Variants in SCFD2 observed in about 807,000 individuals in gnomAD.
SCFD2 encodes sec1 family domain-containing protein 2.
A neutral mutation model predicts 58.9 loss-of-function variants in SCFD2; 54 were observed. The ratio of observed to expected loss-of-function variants is 0.92; its 90% CI spans 0.74 to 1.15. SCFD2 has a LOEUF of 1.15. Ranked by LOEUF, SCFD2 falls within the 50% of genes most tolerant of loss-of-function variation. The pLI is 0.00. For synonymous variants in SCFD2, 321 were observed against 335.9 expected (o/e 0.96, Z 0.49); for missense variants, 805 against 836.6 (o/e 0.96, Z 0.47).
chr4:53,287,778 A>C (rs1731715446), intron 3 of SCFD2, among the ~76,000 whole-genome samples: 1 of 152,234 alleles, frequency 6.6e-6, no homozygotes, highest in Non-Finnish European at 1.5e-5. Flanking sequence ...AAAGAAATTC[A>C]AAATAGTAAT....
chr4:53,012,001 CTT>C (rs11297946), intron 5 of SCFD2, among the ~76,000 whole-genome samples: 10,877 of 137,012 alleles, frequency 0.079, 770 homozygotes, highest in African/African-American at 0.19. Context: ...AGGTTTTAGG[CTT>C]TTTTTTTTTT....
At chr4:53,204,378 AT>A (rs780885074) in intron 4 of SCFD2, among the ~76,000 whole-genome samples, 2 of 152,092 alleles carry the variant, frequency 1.3e-5, no homozygotes, top group Non-Finnish European at 1.5e-5. Flanking sequence ...TCCATAAAAA[AT>A]AACACTATTT....
chr4:52,965,433 C>G (rs1394613494), intron 5 of SCFD2, among the ~76,000 whole-genome samples: 1 of 152,194 alleles, frequency 6.6e-6, no homozygotes, highest in African/African-American at 2.4e-5. Flanking sequence ...TTATTCTGCC[C>G]CTGCCATGCT....
chr4:52,989,308 G>C (rs1214605124), intron 5 of SCFD2, among the ~76,000 whole-genome samples: 1 of 152,150 alleles, frequency 6.6e-6, no homozygotes, highest in Non-Finnish European at 1.5e-5. Flanking sequence ...TTCTCCTAAA[G>C]GGATGTTATA....
intron 4 of SCFD2, among the ~76,000 whole-genome samples, chr4:53,247,809 C>A (rs1730150705): frequency 7.9e-6 from 1 of 127,160 alleles, no homozygotes. Flanking sequence ...TGCAGTGAGC[C>A]GAGATTGCGC....
At chr4:53,153,558 CA>C (rs1252408963) in intron 4 of SCFD2, among the ~76,000 whole-genome samples, 1 of 152,142 alleles carries the variant, frequency 6.6e-6, no homozygotes, top group East Asian at 1.9e-4. Context: ...AGAGGGGCTG[CA>C]AAGGAGATTT....
In SCFD2 at chr4:53,047,647, T is replaced by C. The variant is rs1302853557; in HGVS notation, c.1561+97686A>G. Reference sequence around the variant, plus strand: ...ACATGCATGTTACACCGTCTTACGATTTTAAAATTCAGAATGACTTTACTC... The same window carrying C: ...ACATGCATGTTACACCGTCTTACGACTTTAAAATTCAGAATGACTTTACTC... On this transcript the variant is annotated intron_variant, in intron 5 of 8. Transcript: ENST00000401642. 2.6e-5 allele frequency among the ~76,000 whole-genome samples: 4 copies of C among 152,324 alleles called. No homozygotes were observed. In the South Asian group the frequency reaches 6.2e-4, roughly 24 times the overall value.
intron 5 of SCFD2, among the ~76,000 whole-genome samples, chr4:52,971,641 A>G (rs1351328192): frequency 4.6e-5 from 7 of 152,208 alleles, no homozygotes; most frequent in African/African-American, 1.7e-4. Flanking sequence ...GCAGGCCAAC[A>G]TTCAAATTCA....
intron 3 of SCFD2, among the ~76,000 whole-genome samples, chr4:53,291,913 A>C (rs1577936649): frequency 6.6e-6 from 1 of 152,154 alleles, no homozygotes; most frequent in Admixed American, 6.5e-5. Context: ...TGCTGGGAAA[A>C]CTGGCTAGCC....
At chr4:52,973,037 T>A (rs1006504920) in intron 5 of SCFD2, among the ~76,000 whole-genome samples, 1 of 152,200 alleles carries the variant, frequency 6.6e-6, no homozygotes, top group Admixed American at 6.5e-5. Context: ...GGGAAATTTA[T>A]AGCACTAAAT....
chr4:53,271,155 C>A (rs1731150074), intron 4 of SCFD2, among the ~76,000 whole-genome samples: 1 of 152,034 alleles, frequency 6.6e-6, no homozygotes, highest in South Asian at 2.1e-4. Flanking sequence ...AGGCAGCTCA[C>A]CGACATCCTG....
intron 5 of SCFD2, among the ~76,000 whole-genome samples, chr4:53,010,975 G>A (rs1348320673): frequency 6.6e-6 from 1 of 152,058 alleles, no homozygotes; most frequent in Non-Finnish European, 1.5e-5. Flanking sequence ...AATGCCTTCA[G>A]GAAATAAAGG....
chr4:52,914,371 A>G (rs906056110), intron 6 of SCFD2, among the ~76,000 whole-genome samples: 3 of 152,166 alleles, frequency 2.0e-5, no homozygotes, highest in African/African-American at 7.2e-5. Context: ...CTCCTACAGG[A>G]TATGAGGTTT....
intron 5 of SCFD2, among the ~76,000 whole-genome samples, chr4:53,112,074 G>A (rs115381268): frequency 0.011 from 1,729 of 152,228 alleles, 17 homozygotes; most frequent in Middle Eastern, 0.034. Context: ...TGTGGATACA[G>A]AGCTAGGCCG....
chr4:53,083,229 G>T (rs1225665128), intron 5 of SCFD2, among the ~76,000 whole-genome samples: 1 of 152,046 alleles, frequency 6.6e-6, no homozygotes, highest in Non-Finnish European at 1.5e-5. Context: ...GAAAGAAGAA[G>T]AACTGTAGAG....
At chr4:53,298,715 C>A (rs1184792293) in intron 3 of SCFD2, among the ~76,000 whole-genome samples, 1 of 152,128 alleles carries the variant, frequency 6.6e-6, no homozygotes, top group African/African-American at 2.4e-5. Flanking sequence ...GAACTGACAC[C>A]TCACACAGCT....
intron 7 of SCFD2, among the ~76,000 whole-genome samples, chr4:52,895,272 T>A (rs1305218825): frequency 6.6e-6 from 1 of 152,224 alleles, no homozygotes. Context: ...CTGCACCCAT[T>A]AACTCATCAT....
chr4:53,001,739 A>G (rs1454058987), intron 5 of SCFD2, among the ~76,000 whole-genome samples: 29 of 152,240 alleles, frequency 1.9e-4, no homozygotes, highest in African/African-American at 6.0e-4. Context: ...ATGTTGGTAT[A>G]TTTAAGGAGA....
intron 5 of SCFD2, among the ~76,000 whole-genome samples, chr4:53,076,778 T>G (rs1481651051): frequency 6.6e-6 from 1 of 152,210 alleles, no homozygotes; most frequent in Non-Finnish European, 1.5e-5. Flanking sequence ...CAAAGTAGGC[T>G]GCCAGCCACA....
Sources: allele counts gnomAD v4.1 joint callset (sites outside exome capture counted in the v4.1 genomes callset), GRCh38; gene constraint gnomAD v4.1.1; transcripts MANE v1.5; gene names NCBI Gene and HGNC (gene_info 2026-07-23, HGNC 2026-07-21).